CENPP: variants seen among roughly 807,000 people sequenced by gnomAD.
CENPP encodes the protein centromere protein P.
Under a neutral mutation model 35.6 loss-of-function variants are expected in CENPP, and 24 were observed. The observed-to-expected ratio is 0.67, with a 90% CI of 0.49 to 0.95. The LOEUF (loss-of-function observed/expected upper bound fraction) is 0.95. Ranked by LOEUF, CENPP falls within the 40% of genes least tolerant of loss-of-function variation. The pLI, the probability that CENPP is intolerant of heterozygous loss-of-function variation, is 0.00. For synonymous variants in CENPP, 120 were observed against 125.5 expected (o/e 0.96, Z 0.29); for missense variants, 332 against 345.3 (o/e 0.96, Z 0.31).
chr9:92,546,388 G>A (rs1210719799), intron 5 of CENPP, among the ~76,000 whole-genome samples: 1 of 152,160 alleles, frequency 6.6e-6, no homozygotes. Context: ...AAATCTTGCT[G>A]CTGCTCACTC....
chr9:92,612,195 GCTTA>G (rs879673188), intron 6 of CENPP, among the ~76,000 whole-genome samples: 9 of 152,246 alleles, frequency 5.9e-5, no homozygotes, highest in Non-Finnish European at 1.3e-4. Context: ...TGCATGTTCA[GCTTA>G]CTGTCAGTGC....
intron 1 of CENPP, 143 bp from the exon 2 acceptor site, chr9:92,332,027 A>AT (rs910451481): frequency 3.7e-5 from 17 of 455,954 alleles, no homozygotes; most frequent in African/African-American, 1.6e-4. Context: ...TAATTTTTTA[A>AT]TTTTTTTTAT....
intron 4 of CENPP, among the ~76,000 whole-genome samples, chr9:92,359,667 G>A (rs1283293840): frequency 1.3e-5 from 2 of 152,192 alleles, no homozygotes; most frequent in Non-Finnish European, 2.9e-5. Flanking sequence ...ACTGGAGGAA[G>A]CAGGGTTTTC....
chr9:92,366,916 G>A (rs571028710), intron 4 of CENPP, among the ~76,000 whole-genome samples: 3 of 152,154 alleles, frequency 2.0e-5, no homozygotes, highest in African/African-American at 7.2e-5. Context: ...TTTGATTGCC[G>A]ACATGATTCC....
intron 5 of CENPP, among the ~76,000 whole-genome samples, chr9:92,452,412 T>C (rs895193826): frequency 9.2e-5 from 14 of 152,110 alleles, no homozygotes; most frequent in East Asian, 1.9e-4. Flanking sequence ...TATTGATTTG[T>C]GTATATTGAA....
intron 5 of CENPP, among the ~76,000 whole-genome samples, chr9:92,567,399 T>TATAGATAG (rs1554688331): frequency 7.3e-6 from 1 of 136,200 alleles, no homozygotes; most frequent in Non-Finnish European, 1.6e-5. Flanking sequence ...TATATATAGA[T>TATAGATAG]ATATATATAA....
rs143188159 is a variant in CENPP, at chr9:92,403,329, A to T, written c.564+23470A>T. ...GTTCCATAATCATAGATAATGCGTG[A>T]GTCCTGCTGGGTTGGTGGTGCTGGC... On this transcript the variant is annotated intron_variant, in intron 5 of 7. Transcript: ENST00000375587. 103 of 1,613,582 alleles carry T rather than the reference A, an allele frequency of 6.4e-5. No individual in the cohort carries two copies. The African/African-American group carries it at 1.2e-3, about 19-fold the overall frequency.
chr9:92,552,132 C>CAT lies in CENPP; in HGVS notation c.565-59175_565-59174dup, dbSNP rs201195668. 9.0e-5 allele frequency among the ~76,000 whole-genome samples: 12 copies of CAT among 133,862 alleles called. 1 individual carries two copies. The highest frequency in any genetic ancestry group is 2.6e-4 in the South Asian group (1 of 3,864). The allele number at this position is 133,862 out of a possible 152,430, so 87.8% of individuals were successfully genotyped here. On this transcript the variant is annotated intron_variant, in intron 5 of 7. Transcript: ENST00000375587. Reference sequence around the variant, plus strand: ...TATATATGTGATATGATAGATCTATCATATATATGTGATATGATAGATCTA... The same window carrying CAT: ...TATATATGTGATATGATAGATCTATCATATATATATGTGATATGATAGATCTA...
At chr9:92,405,839 T>C (rs1021099702) in intron 5 of CENPP, among the ~76,000 whole-genome samples, 5 of 152,226 alleles carry the variant, frequency 3.3e-5, no homozygotes, top group Admixed American at 1.3e-4. Flanking sequence ...TACAATGTTA[T>C]TAGCATTCAC....
At chr9:92,498,563 A>T (rs764278509) in intron 5 of CENPP, among the ~76,000 whole-genome samples, 30 of 152,148 alleles carry the variant, frequency 2.0e-4, no homozygotes, top group Non-Finnish European at 2.8e-4. Flanking sequence ...CAAAAATAAT[A>T]TTAATTCAAA....
intron 5 of CENPP, among the ~76,000 whole-genome samples, chr9:92,581,701 C>T (rs1850430014): frequency 6.6e-6 from 1 of 151,988 alleles, no homozygotes; most frequent in South Asian, 2.1e-4. Context: ...GGATCATCTC[C>T]AAGTAGAAGG....
intron 5 of CENPP, among the ~76,000 whole-genome samples, chr9:92,595,843 T>G (rs1850767960): frequency 2.0e-5 from 3 of 150,182 alleles, no homozygotes; most frequent in Admixed American, 6.6e-5. Flanking sequence ...ATTGAAGGCA[T>G]GAGCCACCGC....
At chr9:92,418,681 G>A (rs981754065) in intron 5 of CENPP, among the ~76,000 whole-genome samples, 1 of 152,098 alleles carries the variant, frequency 6.6e-6, no homozygotes, top group Non-Finnish European at 1.5e-5. Context: ...ACTTCTATTT[G>A]CTGATACCTT....
intron 5 of CENPP, among the ~76,000 whole-genome samples, chr9:92,567,383 T>TATATATAG (rs1850011721): frequency 1.1e-5 from 1 of 94,642 alleles, no homozygotes; most frequent in Admixed American, 1.0e-4. Context: ...GATATATATA[T>TATATATAG]ATATATATAT....
At chr9:92,439,684 G>A (rs947524262) in intron 5 of CENPP, among the ~76,000 whole-genome samples, 2 of 152,014 alleles carry the variant, frequency 1.3e-5, no homozygotes, top group Admixed American at 6.6e-5. Context: ...ATGGGATATC[G>A]CTTTATATCT....
chr9:92,499,346 C>G (rs536463795), intron 5 of CENPP, among the ~76,000 whole-genome samples: 12 of 152,230 alleles, frequency 7.9e-5, no homozygotes, highest in Middle Eastern at 3.4e-3. Context: ...GACAAAGCAG[C>G]CCTAGTTGAT....
At chr9:92,404,338 T>G (rs1843236665) in intron 5 of CENPP, among the ~76,000 whole-genome samples, 1 of 152,198 alleles carries the variant, frequency 6.6e-6, no homozygotes, top group African/African-American at 2.4e-5. Flanking sequence ...GCGTGGATGT[T>G]AAATTTATGC....
rs762035246 is a variant in CENPP, at chr9:92,553,534, A to G, written c.565-57780A>G. Reference sequence around the variant, plus strand: ...TCCACAATATTGATTCTACCCATCCATGAGCATGGGATGTGTTTCCATTTC... The same window carrying G: ...TCCACAATATTGATTCTACCCATCCGTGAGCATGGGATGTGTTTCCATTTC... On this transcript the variant is annotated intron_variant, in intron 5 of 7. Transcript: ENST00000375587. Among the ~76,000 whole-genome samples the G allele has an allele frequency of 3.9e-5, 6 of 152,174 alleles. No homozygotes were observed. The East Asian group carries it at 7.7e-4, about 20-fold the overall frequency.
At chr9:92,522,605 C>T in intron 5 of CENPP, 1 of 1,613,384 alleles carries the variant, frequency 6.2e-7, no homozygotes, top group Non-Finnish European at 8.5e-7. Context: ...GATTCTACTC[C>T]AGGAAAACTT....
Sources: gnomAD v4.1 joint callset for allele counts (sites outside exome capture counted in the v4.1 genomes callset) on GRCh38, gnomAD v4.1.1 for gene constraint, MANE v1.5 for transcripts, NCBI Gene and HGNC (gene_info 2026-07-23, HGNC 2026-07-21) for gene names.